CHRM3: variants seen among roughly 807,000 people sequenced by gnomAD.
CHRM3 encodes the protein muscarinic acetylcholine receptor M3.
CHRM3 carries 11 observed loss-of-function variants against 41.8 expected under a neutral mutation model. The observed-to-expected ratio is 0.26, with a 90% confidence interval of 0.17 to 0.44. The LOEUF (loss-of-function observed/expected upper bound fraction) is 0.44. Ranked by LOEUF, CHRM3 falls within the 20% of genes least tolerant of loss-of-function variation. CHRM3 has a pLI of 1.00. For missense variants in CHRM3, 571 were observed against 745.4 expected (o/e 0.77, Z 2.72); for synonymous variants, 297 against 301.4 (o/e 0.99, Z 0.15).
chr1:239,743,788 CTTTTTTTT>C (rs10718514), intron 5 of CHRM3, among the ~76,000 whole-genome samples: 2 of 81,202 alleles, frequency 2.5e-5, no homozygotes, highest in African/African-American at 5.1e-5. Context: ...TTTTTTTTTT[CTTTTTTTT>C]TTTTTTTTTT....
At chr1:239,726,488 G>A (rs1482265899) in intron 5 of CHRM3, among the ~76,000 whole-genome samples, 3 of 151,790 alleles carry the variant, frequency 2.0e-5, no homozygotes, top group East Asian at 3.9e-4. Context: ...TTTGCCTCGT[G>A]GCTGGGTTTA....
At chr1:239,640,452 T>C (rs1382438979) in intron 4 of CHRM3, among the ~76,000 whole-genome samples, 2 of 152,190 alleles carry the variant, frequency 1.3e-5, no homozygotes, top group Non-Finnish European at 2.9e-5. Flanking sequence ...ATCCTGTTAT[T>C]GGTCTATTCA....
At chr1:239,600,036 C>T (rs1481078456) in intron 3 of CHRM3, among the ~76,000 whole-genome samples, 1 of 152,030 alleles carries the variant, frequency 6.6e-6, no homozygotes, top group African/African-American at 2.4e-5. Flanking sequence ...CTGTATATTC[C>T]TTCTTCTGAT....
At chr1:239,736,388 A>T (rs1321984677) in intron 5 of CHRM3, among the ~76,000 whole-genome samples, 4 of 151,582 alleles carry the variant, frequency 2.6e-5, no homozygotes, top group African/African-American at 7.3e-5. Context: ...ATCAATAACC[A>T]AATAATAATA....
chr1:239,540,103 A>T (rs1277681912), intron 2 of CHRM3, among the ~76,000 whole-genome samples: 2 of 152,092 alleles, frequency 1.3e-5, no homozygotes, highest in Non-Finnish European at 2.9e-5. Context: ...TTGTGAGTGC[A>T]CTCTATGACG....
chr1:239,600,497 A>G (rs1423514871), intron 3 of CHRM3, among the ~76,000 whole-genome samples: 1 of 152,068 alleles, frequency 6.6e-6, no homozygotes, highest in African/African-American at 2.4e-5. Flanking sequence ...TTTGTTCCCA[A>G]TGAGTGGCTT....
intron 5 of CHRM3, among the ~76,000 whole-genome samples, chr1:239,731,086 A>T (rs1238587264): frequency 1.3e-5 from 2 of 152,002 alleles, no homozygotes; most frequent in African/African-American, 4.8e-5. Flanking sequence ...TTTGAATGAG[A>T]GAGTTAAAAA....
At chr1:239,525,764 GTT>G (rs1215766397) in intron 2 of CHRM3, among the ~76,000 whole-genome samples, 1 of 152,164 alleles carries the variant, frequency 6.6e-6, no homozygotes, top group Non-Finnish European at 1.5e-5. Flanking sequence ...CCACAGGACA[GTT>G]TTCTTTTTTA....
chr1:239,594,250 C>T (rs1344661327), intron 3 of CHRM3, among the ~76,000 whole-genome samples: 1 of 152,220 alleles, frequency 6.6e-6, no homozygotes, highest in Non-Finnish European at 1.5e-5. Flanking sequence ...CACGATTGTA[C>T]TACTTGGCAG....
intron 5 of CHRM3, among the ~76,000 whole-genome samples, chr1:239,733,052 T>C (rs1291297354): frequency 6.6e-6 from 1 of 152,086 alleles, no homozygotes; most frequent in Non-Finnish European, 1.5e-5. Flanking sequence ...AGAAGTGCTA[T>C]TTTCCCTCCA....
At chr1:239,876,809 C>A (rs1392382044) in intron 6 of CHRM3, among the ~76,000 whole-genome samples, 1 of 152,212 alleles carries the variant, frequency 6.6e-6, no homozygotes, top group South Asian at 2.1e-4. Context: ...GGCTGACAAT[C>A]AGTTCCCTAG....
intron 6 of CHRM3, among the ~76,000 whole-genome samples, chr1:239,887,305 G>A (rs183839728): frequency 0.014 from 2,109 of 152,106 alleles, 16 homozygotes; most frequent in Non-Finnish European, 0.023. Context: ...GGGTTCAAGC[G>A]ATTCTCCTGC....
intron 1 of CHRM3, among the ~76,000 whole-genome samples, chr1:239,406,737 A>G (rs1660626142): frequency 6.6e-6 from 1 of 152,188 alleles, no homozygotes; most frequent in African/African-American, 2.4e-5. Context: ...GCCTCTCTCA[A>G]TTACAGATGC....
intron 3 of CHRM3, among the ~76,000 whole-genome samples, chr1:239,561,825 A>C (rs983414181): frequency 6.6e-6 from 1 of 152,142 alleles, no homozygotes; most frequent in East Asian, 1.9e-4. Flanking sequence ...ATCACATAGT[A>C]GACACTAAAT....
intron 3 of CHRM3, among the ~76,000 whole-genome samples, chr1:239,596,549 T>A (rs1664799617): frequency 6.6e-6 from 1 of 152,206 alleles, no homozygotes; most frequent in African/African-American, 2.4e-5. Flanking sequence ...CTATGCCATT[T>A]CTTTTCGATG....
At chr1:239,410,136 T>C (rs1660952690) in intron 1 of CHRM3, among the ~76,000 whole-genome samples, 1 of 152,200 alleles carries the variant, frequency 6.6e-6, no homozygotes, top group Admixed American at 6.5e-5. Flanking sequence ...CTGCTACCAA[T>C]TTTTAAAATG....
rs1659867422 is a variant in CHRM3 at position 239,693,112 on chromosome 1, AAGG to A, written c.-147+14827_-147+14829del. On this transcript the variant is annotated intron_variant, in intron 5 of 6. Transcript: ENST00000676153. ...TGCATATTTCCTTCACACTGCTTTG[AAGG>A]AGAAGTATGGTAATTGTTACCTTTG... 5.3e-5 allele frequency among the ~76,000 whole-genome samples: 8 copies of A among 152,232 alleles called. No homozygotes were observed. The South Asian group carries it at 1.7e-3, about 32-fold the overall frequency.
intron 3 of CHRM3, among the ~76,000 whole-genome samples, chr1:239,585,091 A>G (rs1346364168): frequency 2.0e-5 from 3 of 150,994 alleles, no homozygotes; most frequent in Admixed American, 6.6e-5. Flanking sequence ...ACACATACGT[A>G]TATACATATA....
intron 4 of CHRM3, among the ~76,000 whole-genome samples, chr1:239,665,684 C>G (rs571662726): frequency 1.3e-5 from 2 of 152,056 alleles, no homozygotes; most frequent in African/African-American, 2.4e-5. Context: ...CCTTGCCCCC[C>G]GACTGGCCCC....
Sources: gnomAD v4.1 joint callset for allele counts (sites outside exome capture counted in the v4.1 genomes callset) on GRCh38, gnomAD v4.1.1 for gene constraint, MANE v1.5 for transcripts, NCBI Gene and HGNC (gene_info 2026-07-23, HGNC 2026-07-21) for gene names.